Variants in MGAT4C observed in about 807,000 individuals in gnomAD.
MGAT4C encodes the protein alpha-1,3-mannosyl-glycoprotein 4-beta-N-acetylglucosaminyltransferase C.
MGAT4C carries 19 observed loss-of-function variants against 40.1 expected under a neutral mutation model. The observed-to-expected ratio is 0.47, with a 90% CI of 0.33 to 0.70. MGAT4C has a LOEUF of 0.70. Among genes scored for constraint, MGAT4C ranks in the 30% least tolerant of loss-of-function variants. MGAT4C has a pLI of 0.02. For missense variants in MGAT4C, 491 were observed against 563.2 expected (o/e 0.87, Z 1.30); for synonymous variants, 181 against 187.1 (o/e 0.97, Z 0.27).
intron 2 of MGAT4C, among the ~76,000 whole-genome samples, chr12:86,494,204 G>A (rs1454156256): frequency 6.6e-6 from 1 of 151,740 alleles, no homozygotes; most frequent in East Asian, 1.9e-4. Context: ...TCTTGAATAT[G>A]TCTTTGAAAG....
rs1181740702 is a variant in MGAT4C, at chr12:85,979,533, G to T, written c.1193C>A (p.Thr398Lys). 9.3e-6 allele frequency: 15 copies of T among 1,611,650 alleles called. No homozygotes were observed. Among genetic ancestry groups the T allele is most frequent in the Non-Finnish European group, 3.4e-6 (4 of 1,178,744 alleles). ...CAAAATATCATTTTGCCGATCTTCTGTTCCAGTATTTACTTTAATTTTTTT... is the reference window on the plus strand; with the variant it reads ...CAAAATATCATTTTGCCGATCTTCTTTTCCAGTATTTACTTTAATTTTTTT... ...IIKKIKVNTG[T>K]EDRQNDILHH... is the part of the protein sequence containing the mutation. Residue 398 changes from threonine to lysine, a missense_variant, in exon 5 of 5, where the codon ACA becomes AAA. Thr to Lys is a moderately conservative substitution (Grantham distance 78, BLOSUM62 -1). Transcript: ENST00000611864.
chr12:86,661,437 A>C (rs190698793), intron 2 of MGAT4C, among the ~76,000 whole-genome samples: 32 of 152,230 alleles, frequency 2.1e-4, no homozygotes, highest in Non-Finnish European at 4.6e-4. Flanking sequence ...GTCATAAGGT[A>C]AAATATAAAT....
intron 2 of MGAT4C, among the ~76,000 whole-genome samples, chr12:86,445,959 A>G (rs1003460265): frequency 9.2e-5 from 14 of 152,100 alleles, no homozygotes; most frequent in African/African-American, 2.9e-4. Flanking sequence ...TGTTAGAGTT[A>G]TATTAATTAT....
chr12:86,587,270 C>A (rs1347948834), intron 2 of MGAT4C, among the ~76,000 whole-genome samples: 2 of 151,712 alleles, frequency 1.3e-5, no homozygotes, highest in East Asian at 3.9e-4. Flanking sequence ...TGTAGATATG[C>A]GGCATTATTT....
chr12:86,144,420 A>G (rs1883251562), intron 1 of MGAT4C, among the ~76,000 whole-genome samples: 1 of 152,158 alleles, frequency 6.6e-6, no homozygotes, highest in African/African-American at 2.4e-5. Flanking sequence ...ATAGGATGCT[A>G]AGAATCATGA....
At position 86,370,796 on chromosome 12, in the gene MGAT4C, G is replaced by A. The variant is rs192236070; in HGVS notation, c.-119-36669C>T. 5.3e-5 allele frequency among the ~76,000 whole-genome samples: 8 copies of A among 152,006 alleles called. No individual in the cohort carries two copies. In the East Asian group the frequency reaches 1.4e-3, roughly 26 times the overall value. ...TAATTTCCCGAAAGTAATTTCAATA[G>A]TATTGACTATGTCCTATGACAAGCA... On this transcript the variant is annotated intron_variant, in intron 3 of 7. Transcript: ENST00000548651.
chr12:86,444,275 C>T (rs934121447), intron 2 of MGAT4C, among the ~76,000 whole-genome samples: 1 of 152,058 alleles, frequency 6.6e-6, no homozygotes, highest in African/African-American at 2.4e-5. Flanking sequence ...TCTTTCATAC[C>T]ATGCAAAGCC....
chr12:86,658,828 A>C (rs1367098494), intron 2 of MGAT4C, among the ~76,000 whole-genome samples: 1 of 152,024 alleles, frequency 6.6e-6, no homozygotes, highest in African/African-American at 2.4e-5. Flanking sequence ...GTGTTTTCCA[A>C]TAGTATGTGA....
At chr12:86,489,527 A>G (rs1029215058) in intron 2 of MGAT4C, among the ~76,000 whole-genome samples, 1 of 152,218 alleles carries the variant, frequency 6.6e-6, no homozygotes, top group South Asian at 2.1e-4. Context: ...ACACACTGCT[A>G]TCTGTGGACA....
rs539483669 is a variant in MGAT4C, at chr12:86,648,643, AG to A, written c.-229+78565del. ...AATTCACTGAGGGAGTTGAATAGAT[AG>A]GCACCTTGATCTTGAACGTCCCGGA... On this transcript the variant is annotated intron_variant, in intron 2 of 7. Coordinates refer to the MGAT4C transcript ENST00000548651. 9.2e-5 allele frequency among the ~76,000 whole-genome samples: 14 copies of A among 152,006 alleles called. No individual in the cohort carries two copies. The South Asian group carries it at 2.9e-3, about 31-fold the overall frequency.
chr12:86,214,332 C>T (rs961383668), intron 1 of MGAT4C, among the ~76,000 whole-genome samples: 1 of 152,182 alleles, frequency 6.6e-6, no homozygotes, highest in Non-Finnish European at 1.5e-5. Context: ...TAATCAGTCT[C>T]TATCCCATTA....
intron 1 of MGAT4C, among the ~76,000 whole-genome samples, chr12:86,225,167 T>G (rs1951028581): frequency 6.6e-6 from 1 of 152,108 alleles, no homozygotes; most frequent in Non-Finnish European, 1.5e-5. Context: ...GAACAACTGT[T>G]ATATGCTAAC....
intron 2 of MGAT4C, among the ~76,000 whole-genome samples, chr12:86,491,028 C>A (rs75233685): frequency 0.027 from 4,163 of 152,076 alleles, 158 homozygotes; most frequent in African/African-American, 0.087. Context: ...AACAAGGATA[C>A]CCAGGAATTG....
At chr12:86,296,364 G>A (rs1178176826) in intron 4 of MGAT4C, among the ~76,000 whole-genome samples, 1 of 47,206 alleles carries the variant, frequency 2.1e-5, no homozygotes, top group Non-Finnish European at 5.7e-5. Flanking sequence ...CACCAGGGCT[G>A]CAGGTGGAGC....
At chr12:86,526,836 TG>T (rs1387874898) in intron 2 of MGAT4C, among the ~76,000 whole-genome samples, 1 of 152,158 alleles carries the variant, frequency 6.6e-6, no homozygotes, top group East Asian at 1.9e-4. Context: ...CAGCTCTCCC[TG>T]CCAACTCGAG....
Position 85,974,419 on chromosome 12 carries a change from A to G in MGAT4C, c.*4870T>C, listed in dbSNP as rs764858238. The G allele has an allele frequency of 1.0e-4, 15 of 150,724 alleles. No homozygotes were observed. Among genetic ancestry groups the G allele is most frequent in the Non-Finnish European group, 1.6e-4 (11 of 67,008 alleles). 9.3% of individuals were successfully genotyped at this position (150,724 alleles called of 1,614,324 possible). Reference sequence around the variant, plus strand: ...GTCTTTCTCTCATACACACAGACACACTTACACAACACATATACAAATACA... The same window carrying G: ...GTCTTTCTCTCATACACACAGACACGCTTACACAACACATATACAAATACA... On this transcript the variant is annotated 3_prime_UTR_variant, in exon 5 of 5. Transcript: ENST00000611864.
At chr12:86,768,828 A>G (rs2024570796) in intron 1 of MGAT4C, among the ~76,000 whole-genome samples, 1 of 152,020 alleles carries the variant, frequency 6.6e-6, no homozygotes, top group South Asian at 2.1e-4. Flanking sequence ...TAGAAAGCTG[A>G]AACTGGATCC....
intron 2 of MGAT4C, among the ~76,000 whole-genome samples, chr12:86,673,949 G>C (rs938552785): frequency 3.3e-5 from 5 of 151,806 alleles, no homozygotes; most frequent in African/African-American, 1.2e-4. Flanking sequence ...ACCTCTAATT[G>C]AACATTATAA....
chr12:86,572,715 C>A (rs1158078269), intron 2 of MGAT4C, among the ~76,000 whole-genome samples: 1 of 152,002 alleles, frequency 6.6e-6, no homozygotes, highest in Admixed American at 6.6e-5. Context: ...TTAAACAAAC[C>A]AGCTCAAAAT....
Sources: allele counts gnomAD v4.1 joint callset (sites outside exome capture counted in the v4.1 genomes callset), GRCh38; gene constraint gnomAD v4.1.1; transcripts MANE v1.5; gene names NCBI Gene and HGNC (gene_info 2026-07-23, HGNC 2026-07-21).